NALF2: variants seen among roughly 807,000 people sequenced by gnomAD.
The protein encoded by NALF2 is bB57D9.1 (TED protein).
NALF2 carries 1 observed loss-of-function variant against 24.8 expected under a neutral mutation model. The observed-to-expected ratio is 0.04, with a 90% CI of 0.01 to 0.19. The LOEUF is 0.19. Ranked by LOEUF, NALF2 falls within the 10% of genes least tolerant of loss-of-function variation. The pLI, the probability that NALF2 is intolerant of heterozygous loss-of-function variation, is 1.00. For synonymous variants in NALF2, 254 were observed against 189.8 expected (o/e 1.34, Z -2.78); for missense variants, 458 against 409.6 (o/e 1.12, Z -1.02).
Position 69,528,411 on chromosome X carries a change from GT to G in NALF2, c.862-572del, listed in dbSNP as rs1025654695. On this transcript the variant is annotated intron_variant, in intron 1 of 2. Transcript: ENST00000252338. ...TGTTGCCTGGTAAGGCAGGTTCCTG[GT>G]TTTTTTTTTATTATTAAAAATAACC... is the stretch of plus-strand genomic sequence containing the variant. Among the ~76,000 whole-genome samples the G allele has an allele frequency of 4.9e-3, 536 of 108,568 alleles. 4 individuals are homozygous for G. Among genetic ancestry groups the G allele is most frequent in the African/African-American group, 0.017 (519 of 29,952 alleles). The allele number at this position is 108,568 out of a possible 115,157, so 94.3% of individuals were successfully genotyped here.
chrX:69,522,987 C>T (rs1930753862), intron 1 of NALF2, among the ~76,000 whole-genome samples: 1 of 112,358 alleles, frequency 8.9e-6, no homozygotes, highest in African/African-American at 3.2e-5. Context: ...CGGAGTGTAC[C>T]GTGGTGTCTG....
At position 69,505,335 on chromosome X, in the gene NALF2, TCTGCTGCTG is replaced by T; in HGVS notation, c.66_74del (p.Cys22_Cys24del). 4 of 1,150,602 alleles carry T rather than the reference TCTGCTGCTG, an allele frequency of 3.5e-6. No individual in the cohort carries two copies. The highest frequency in any genetic ancestry group is 3.5e-6 in the Non-Finnish European group (3 of 864,367). The allele number at this position is 1,150,602 out of a possible 1,213,427, so 94.8% of individuals were successfully genotyped here. On this transcript the variant is annotated inframe_deletion, in exon 1 of 3. Coordinates refer to ENST00000252338, the MANE Select transcript of NALF2 (RefSeq NM_015686.3). ...GGGAAAGACGCCGCCGCGCTGACTA[TCTGCTGCTG>T]CTGCTGCTGCTGGGCTCCCAGGCCG... is the stretch of plus-strand genomic sequence containing the variant.
At chrX:69,519,830 C>A in intron 1 of NALF2, among the ~76,000 whole-genome samples, 1 of 112,188 alleles carries the variant, frequency 8.9e-6, no homozygotes. Flanking sequence ...TTTATTCCCT[C>A]ACATTTCCTT....
chrX:69,511,916 G>A (rs1296353804), intron 1 of NALF2, among the ~76,000 whole-genome samples: 1 of 112,087 alleles, frequency 8.9e-6, no homozygotes, highest in Admixed American at 9.4e-5. Context: ...TTACATGTGG[G>A]TAGGGACATA....
At position 69,506,039 on chromosome X, in the gene NALF2, C is replaced by A. The variant is rs763953914; in HGVS notation, c.757C>A (p.Leu253Met). The A allele has an allele frequency of 8.3e-7, 1 of 1,208,907 alleles. No homozygotes were observed. ...CSNCIEAYQR[L>M]DRHAQEKYDE... ...CAACTGTATCGAGGCGTACCAGCGG[C>A]TGGACCGACACGCTCAGGAAAAATA... is the stretch of plus-strand genomic sequence containing the variant. Residue 253 changes from leucine to methionine, a missense_variant, in exon 1 of 3, where the codon CTG becomes ATG. Physicochemically the swap from Leu to Met is conservative, Grantham distance 15 (BLOSUM62 2). Coordinates refer to ENST00000252338, the MANE Select transcript of NALF2 (RefSeq NM_015686.3).
chrX:69,524,313 G>A (rs1052488726), intron 1 of NALF2, among the ~76,000 whole-genome samples: 2 of 109,850 alleles, frequency 1.8e-5, no homozygotes, highest in Admixed American at 1.9e-4. Flanking sequence ...GCTGGTCTAG[G>A]ACTCCTGGAC....
At position 69,504,690 on chromosome X, in the gene NALF2, C is replaced by T. The variant is rs1335622829; in HGVS notation, c.-593C>T. ...CGGAGCGCGAACGAAGCCCGAAGGG[C>T]CCGGCAACGGACCGGCCGGCCGGCC... On this transcript the variant is annotated 5_prime_UTR_variant, in exon 1 of 3. Transcript: ENST00000252338. 8.9e-6 allele frequency among the ~76,000 whole-genome samples: 1 copy of T among 112,181 alleles called. No homozygotes were observed. The highest frequency in any genetic ancestry group is 1.9e-5 in the Non-Finnish European group (1 of 52,826).
At chrX:69,509,801 C>T (rs762199466) in intron 1 of NALF2, among the ~76,000 whole-genome samples, 3 of 112,186 alleles carry the variant, frequency 2.7e-5, no homozygotes, top group African/African-American at 6.5e-5. Flanking sequence ...GCATGACCTG[C>T]GTGGCCCCAA....
In NALF2 at chrX:69,504,655, G is replaced by A. The variant is rs909942122; in HGVS notation, c.-628G>A. 8.9e-6 allele frequency among the ~76,000 whole-genome samples: 1 copy of A among 112,794 alleles called. No individual in the cohort carries two copies. On this transcript the variant is annotated 5_prime_UTR_variant, in exon 1 of 3. Coordinates refer to ENST00000252338, the MANE Select transcript of NALF2 (RefSeq NM_015686.3). Reference sequence around the variant, plus strand: ...GCGGAGCCCGCCAGGGACTGGCCCCGGCGAACACCCGGAGCGCGAACGAAG... The same window carrying A: ...GCGGAGCCCGCCAGGGACTGGCCCCAGCGAACACCCGGAGCGCGAACGAAG...
rs1301662975 is a variant in NALF2, at chrX:69,504,463, C to G, written c.-820C>G. On this transcript the variant is annotated 5_prime_UTR_variant, in exon 1 of 3. Coordinates refer to ENST00000252338, the MANE Select transcript of NALF2 (RefSeq NM_015686.3). ...ACTGAGGGTGCATGGCCAGCGGGAG[C>G]CACGGGGCCGTGCCGCTGGGCTGCA... Among the ~76,000 whole-genome samples the G allele has an allele frequency of 8.8e-6, 1 of 113,500 alleles. No homozygotes were observed. Among genetic ancestry groups the G allele is most frequent in the Non-Finnish European group, 1.9e-5 (1 of 53,327 alleles).
intron 1 of NALF2, among the ~76,000 whole-genome samples, chrX:69,519,953 T>C (rs1395195070): frequency 8.9e-6 from 1 of 112,280 alleles, no homozygotes; most frequent in East Asian, 2.8e-4. Flanking sequence ...TAAATCCTTA[T>C]CTGCTGGCCA....
chrX:69,505,565 G>A lies in NALF2; in HGVS notation c.283G>A (p.Ala95Thr). 2.1e-6 allele frequency: 2 copies of A among 975,111 alleles called. No homozygotes were observed. Among genetic ancestry groups the A allele is most frequent in the Admixed American group, 5.9e-5 (1 of 17,015 alleles). The allele number at this position is 975,111 out of a possible 1,213,427, so 80.4% of individuals were successfully genotyped here. A position where few individuals can be genotyped will look rare whatever the true frequency, so the allele number is the denominator to read the frequency against. ...GRERQPVPPRAVLPLPPPPPG... is the reference protein window; with the variant it reads ...GRERQPVPPRTVLPLPPPPPG... ...GGAGCGGCAGCCGGTGCCTCCTCGC[G>A]CGGTGCTGCCGCTGCCGCCGCCGCC... Residue 95 changes from alanine (A) to threonine (T), a missense_variant, in exon 1 of 3, where the codon GCG (alanine) becomes ACG (threonine). Ala to Thr is a moderately conservative substitution (Grantham distance 58). Transcript: ENST00000252338.
At chrX:69,514,505 A>G (rs995581983) in intron 1 of NALF2, among the ~76,000 whole-genome samples, 1 of 111,396 alleles carries the variant, frequency 9.0e-6, no homozygotes, top group African/African-American at 3.3e-5. Context: ...TTTGGCTATT[A>G]TAAATAATGC....
chrX:69,513,789 A>C (rs1404789743), intron 1 of NALF2, among the ~76,000 whole-genome samples: 1 of 111,573 alleles, frequency 9.0e-6, no homozygotes, highest in Non-Finnish European at 1.9e-5. Flanking sequence ...AACTATTTTT[A>C]AGTGTACAAT....
chrX:69,528,624 T>C (rs779988465), intron 1 of NALF2, among the ~76,000 whole-genome samples: 1 of 112,471 alleles, frequency 8.9e-6, no homozygotes, highest in South Asian at 3.7e-4. Context: ...TGCCTCATTA[T>C]ATATAGGTAG....
rs1259305873 is a variant in NALF2, at chrX:69,532,337, T to TC, written c.*2384dup. The TC allele has an allele frequency of 8.9e-6, 1 of 112,102 alleles. No individual in the cohort carries two copies. The highest frequency in any genetic ancestry group is 1.9e-5 in the Non-Finnish European group (1 of 53,098). The allele number at this position is 112,102 out of a possible 1,213,427, so 9.2% of individuals were successfully genotyped here. A position where few individuals can be genotyped will look rare whatever the true frequency, so the allele number is the denominator to read the frequency against. ...TTCCTAGTAGTCCCCCATCCCTTCCTCCCTTACCCAGCTATGATTCAGTTG... is the reference window on the plus strand; with the variant it reads ...TTCCTAGTAGTCCCCCATCCCTTCCTCCCCTTACCCAGCTATGATTCAGTTG... On this transcript the variant is annotated 3_prime_UTR_variant, in exon 3 of 3. Coordinates refer to ENST00000252338, the MANE Select transcript of NALF2 (RefSeq NM_015686.3).
Position 69,520,105 on chromosome X carries a change from A to T in NALF2, c.862-8888A>T, listed in dbSNP as rs1348972488. ...CCCTTAAGTGTTAGTTTTTCTAGGG[A>T]TCTACTGTTGATCCTAGGCAATGCC... On this transcript the variant is annotated intron_variant, in intron 1 of 2. Transcript: ENST00000252338. 3.6e-5 allele frequency among the ~76,000 whole-genome samples: 4 copies of T among 112,011 alleles called. No homozygotes were observed. The South Asian group carries it at 1.1e-3, about 31-fold the overall frequency.
chrX:69,520,088 T>G (rs1241748290), intron 1 of NALF2, among the ~76,000 whole-genome samples: 1 of 112,275 alleles, frequency 8.9e-6, no homozygotes, highest in Non-Finnish European at 1.9e-5. Context: ...GCCCCTTAAG[T>G]GTTAGTTTTT....
At chrX:69,519,805 A>G (rs1327543334) in intron 1 of NALF2, among the ~76,000 whole-genome samples, 2 of 111,784 alleles carry the variant, frequency 1.8e-5, no homozygotes, top group Non-Finnish European at 3.8e-5. Flanking sequence ...TAGTCTACAC[A>G]TAGCTATCTT....
Sources: gnomAD v4.1 joint callset for allele counts (sites outside exome capture counted in the v4.1 genomes callset) on GRCh38, gnomAD v4.1.1 for gene constraint, MANE v1.5 for transcripts, NCBI Gene and HGNC (gene_info 2026-07-23, HGNC 2026-07-21) for gene names.